Variants in TJP3 observed in about 807,000 individuals in gnomAD.
The protein encoded by TJP3 is tight junction protein ZO-3.
Under a neutral mutation model 104.2 loss-of-function variants are expected in TJP3, and 85 were observed. The observed-to-expected ratio is 0.82, with a 90% CI of 0.68 to 0.98. The LOEUF (loss-of-function observed/expected upper bound fraction) is 0.98. Among genes scored for constraint, TJP3 ranks in the 50% least tolerant of loss-of-function variants. The pLI is 0.00. For synonymous variants in TJP3, 550 were observed against 550.6 expected (o/e 1.00, Z 0.02); for missense variants, 1,367 against 1,322.8 (o/e 1.03, Z -0.52).
At chr19:3,732,076 AG>A (rs752273183) in intron 6 of TJP3, 38 bp downstream of exon 6, 96 of 1,583,530 alleles carry the variant, frequency 6.1e-5, no homozygotes, top group Non-Finnish European at 7.6e-5. Flanking sequence ...CAGGGAGACA[AG>A]GCAGGGTTGG....
chr19:3,743,403 G>A (rs773341537), intron 14 of TJP3, among the ~76,000 whole-genome samples: 11 of 152,330 alleles, frequency 7.2e-5, no homozygotes, highest in Non-Finnish European at 1.3e-4. Flanking sequence ...TATCTGGTAG[G>A]CCAGGTGTCA....
chr19:3,740,516 A>G, intron 13 of TJP3, 36 bp from the exon 14 acceptor site: 1 of 1,280,002 alleles, frequency 7.8e-7, no homozygotes. Flanking sequence ...CATGCTGCTG[A>G]CCCCAGTGCT....
At chr19:3,749,546 A>G (rs79605281) in intron 19 of TJP3, 18,590 of 152,066 alleles carry the variant, frequency 0.12, 1,352 homozygotes, top group South Asian at 0.26. Context: ...TGGTCTTGCT[A>G]TGTTGCCCAG....
In TJP3 at chr19:3,744,040, A is replaced by G. The variant is rs2036855175; in HGVS notation, c.1939+6A>G. 1 of 1,613,390 alleles carries G rather than the reference A, an allele frequency of 6.2e-7. No individual in the cohort carries two copies. The highest frequency in any genetic ancestry group is 1.3e-5 in the African/African-American group (1 of 74,922). On this transcript the variant is annotated splice_donor_region_variant and intron_variant, in intron 15 of 20. Transcript: ENST00000541714. ...TGACCAGTTTGAAATCGCAGGTGAG[A>G]AGCCAGATCCTCTGGAAACCTCGTT... is the stretch of plus-strand genomic sequence containing the variant.
Position 3,738,959 on chromosome 19 carries a change from C to G in TJP3, c.1456C>G (p.Leu486Val). ...DSFYIRTHFE[L>V]EPSPPSGLGF... ...CTTCTACATCCGCACTCACTTTGAG[C>G]TGGAGCCCAGTCCACCGTCTGGCCT... Residue 486 changes from leucine (L) to valine (V), a missense_variant, in exon 13 of 21, where the codon CTG becomes GTG. Transcript: ENST00000541714. 1 of 1,613,214 alleles carries G rather than the reference C, an allele frequency of 6.2e-7. No individual in the cohort carries two copies. The highest frequency in any genetic ancestry group is 8.5e-7 in the Non-Finnish European group (1 of 1,179,772).
At chr19:3,732,801 A>C (rs1161436884) in intron 6 of TJP3, among the ~76,000 whole-genome samples, 3 of 151,484 alleles carry the variant, frequency 2.0e-5, no homozygotes, top group African/African-American at 7.3e-5. Flanking sequence ...GCACCACCAC[A>C]CCTTGCTAAT....
At chr19:3,731,853 C>T (rs912551614) in intron 5 of TJP3, 82 bp from the exon 6 acceptor site, 1 of 1,190,674 alleles carries the variant, frequency 8.4e-7, no homozygotes. Flanking sequence ...AGGGCCCGCA[C>T]CTGGACTGCT....
At chr19:3,733,985 G>T in intron 7 of TJP3, 73 bp downstream of exon 7, 5 of 1,553,544 alleles carry the variant, frequency 3.2e-6, no homozygotes, top group Non-Finnish European at 4.4e-6. Flanking sequence ...CCCAGGCAGG[G>T]CCAAGGAATC....
Position 3,750,567 on chromosome 19 carries a change from T to C in TJP3, c.2658-15T>C. ...CTTCCCACCCACAGCATCTATTCTATTTCCTGATCCCCAGAACCTATGAAC... is the reference window on the plus strand; with the variant it reads ...CTTCCCACCCACAGCATCTATTCTACTTCCTGATCCCCAGAACCTATGAAC... On this transcript the variant is annotated splice_polypyrimidine_tract_variant and intron_variant, in intron 20 of 20. Transcript: ENST00000541714. 1 of 1,584,870 alleles carries C rather than the reference T, an allele frequency of 6.3e-7. No homozygotes were observed. Among genetic ancestry groups the C allele is most frequent in the South Asian group, 1.1e-5 (1 of 87,764 alleles).
At chr19:3,748,330 G>A (rs1238697143) in intron 19 of TJP3, among the ~76,000 whole-genome samples, 1 of 145,962 alleles carries the variant, frequency 6.9e-6, no homozygotes, top group Non-Finnish European at 1.5e-5. Flanking sequence ...GGAGTGCAAT[G>A]GCGCAATCTT....
rs531585837 is a variant in TJP3 at position 3,717,810 on chromosome 19, T to G, written c.-10+9249T>G. Among the ~76,000 whole-genome samples the G allele has an allele frequency of 1.4e-3, 206 of 151,352 alleles. 1 individual carries two copies. The highest frequency in any genetic ancestry group is 2.2e-3 in the Non-Finnish European group (149 of 67,894). ...TTGCCCAGGAATGAGAGTACAGTGG[T>G]GTGACCATGACTTACTGCAGCCTCC... On this transcript the variant is annotated intron_variant, in intron 1 of 20. Coordinates refer to ENST00000541714, the MANE Select transcript of TJP3 (RefSeq NM_001267560.2).
At chr19:3,737,584 TC>T (rs1293136663) in intron 11 of TJP3, among the ~76,000 whole-genome samples, 1 of 152,054 alleles carries the variant, frequency 6.6e-6, no homozygotes, top group African/African-American at 2.4e-5. Context: ...CCAGGCTGTC[TC>T]CCCTGTCCCT....
At position 3,736,241 on chromosome 19, in the gene TJP3, G is replaced by A. The variant is rs2302306; in HGVS notation, c.1204G>A (p.Val402Met). Residue 402 changes from valine (V) to methionine (M), a missense_variant, in exon 11 of 21, where the codon GTG (valine) becomes ATG (methionine). Physicochemically the swap from Val to Met is conservative, Grantham distance 21. Transcript: ENST00000541714. The part of the protein sequence containing the change: ...IGLRLAGGND[V>M]GIFVSGVQAG... ...GCTGCGGCTGGCAGGGGGCAATGAC[G>A]TGGGCATCTTCGTGTCCGGGGTGCA... The A allele has an allele frequency of 1.3e-3, 2,077 of 1,579,178 alleles. 38 individuals are homozygous for A. The East Asian group carries it at 0.036, about 27-fold the overall frequency.
At chr19:3,740,092 C>T (rs996139742) in intron 13 of TJP3, among the ~76,000 whole-genome samples, 5 of 152,054 alleles carry the variant, frequency 3.3e-5, no homozygotes, top group South Asian at 2.1e-4. Flanking sequence ...ATTAGCTGGG[C>T]GTGGTGGTGC....
rs2036430130 is a variant in TJP3 at position 3,711,093 on chromosome 19, C to T, written c.-10+2532C>T. 3.0e-5 allele frequency among the ~76,000 whole-genome samples: 2 copies of T among 67,640 alleles called. 1 individual carries two copies. The allele number at this position is 67,640 out of a possible 152,430, so 44.4% of individuals were successfully genotyped here. On this transcript the variant is annotated intron_variant, in intron 1 of 20. Coordinates refer to ENST00000541714, the MANE Select transcript of TJP3 (RefSeq NM_001267560.2). Reference sequence around the variant, plus strand: ...TAATTTTTTGTATTTTTAGTACAGACGGGGTTTCACCGTGGTAGCCAAGAT... The same window carrying T: ...TAATTTTTTGTATTTTTAGTACAGATGGGGTTTCACCGTGGTAGCCAAGAT...
chr19:3,737,021 A>T (rs1477362067), intron 11 of TJP3, among the ~76,000 whole-genome samples: 1 of 151,012 alleles, frequency 6.6e-6, no homozygotes, highest in Non-Finnish European at 1.5e-5. Context: ...CTGGGATCAC[A>T]GGTGGCCGCC....
At position 3,746,574 on chromosome 19, in the gene TJP3, C is replaced by T. The variant is rs202232413; in HGVS notation, c.2100C>T (p.Pro700=). ...QYYPIVVFFI[P]ESRPALKALR... ...ACCCCATTGTGGTCTTCTTCATCCC[C>T]GAGAGCCGGCCGGCCCTCAAGGCAC... Residue 700 remains proline (P), a synonymous_variant, in exon 17 of 21, where the codon CCC becomes CCT. Transcript: ENST00000541714. The surrounding 1 kb of genome is among the most constrained non-coding windows in gnomAD (Gnocchi z 4.1). 15 of 1,613,884 alleles carry T rather than the reference C, an allele frequency of 9.3e-6. No homozygotes were observed. Among genetic ancestry groups the T allele is most frequent in the South Asian group, 3.3e-5 (3 of 91,086 alleles).
Position 3,730,557 on chromosome 19 carries a change from G to T in TJP3, c.464G>T (p.Gly155Val), listed in dbSNP as rs1408255176. 4 of 1,604,976 alleles carry T rather than the reference G, an allele frequency of 2.5e-6. No homozygotes were observed. The highest frequency in any genetic ancestry group is 1.7e-6 in the Non-Finnish European group (2 of 1,177,980). ...CGCCGGCCGAGGCCTGGTCGCCGGG[G>T]CCGGGCCGGCAGCCATGGGCGTAGG... Reference protein sequence around the residue: ...RSRRPRPGRRGRAGSHGRRSP... With the variant: ...RSRRPRPGRRVRAGSHGRRSP... The change falls in exon 5 of 21, where the codon GGC becomes GTC. Residue 155 changes from glycine to valine, a missense_variant. Coordinates refer to ENST00000541714, the MANE Select transcript of TJP3 (RefSeq NM_001267560.2). The surrounding 1 kb of genome is among the most constrained non-coding windows in gnomAD (Gnocchi z 7.3).
At chr19:3,720,282 G>T (rs2036529845) in intron 1 of TJP3, among the ~76,000 whole-genome samples, 1 of 152,310 alleles carries the variant, frequency 6.6e-6, no homozygotes, top group Non-Finnish European at 1.5e-5. Context: ...GCTGACTGTA[G>T]CTGACTTGGG....
Sources: allele counts gnomAD v4.1 joint callset (sites outside exome capture counted in the v4.1 genomes callset), GRCh38; gene constraint gnomAD v4.1.1; non-coding constraint Gnocchi (gnomAD v3.1); transcripts MANE v1.5; gene names NCBI Gene and HGNC (gene_info 2026-07-23, HGNC 2026-07-21).